Variants in ZNF665 observed in about 807,000 individuals in gnomAD.
ZNF665 encodes the protein zinc finger protein 665.
A neutral mutation model predicts 7.9 loss-of-function variants in ZNF665; 6 were observed. The ratio of observed to expected loss-of-function variants is 0.76; its 90% CI spans 0.42 to 1.50. ZNF665 has a LOEUF of 1.50. Among genes scored for constraint, ZNF665 ranks in the 40% most tolerant of loss-of-function variants. The pLI, the probability that ZNF665 is intolerant of heterozygous loss-of-function variation, is 0.01. For missense variants in ZNF665, 819 were observed against 806.7 expected (o/e 1.02, Z -0.18); for synonymous variants, 242 against 274.5 (o/e 0.88, Z 1.17).
chr19:53,189,152 C>A (rs1433982891), intron 1 of ZNF665, among the ~76,000 whole-genome samples: 2 of 151,422 alleles, frequency 1.3e-5, no homozygotes, highest in African/African-American at 4.9e-5. Flanking sequence ...AAAGTTGACA[C>A]AGTGGAGGAG....
At chr19:53,185,706 A>C (rs1390506239) in intron 1 of ZNF665, among the ~76,000 whole-genome samples, 1 of 152,010 alleles carries the variant, frequency 6.6e-6, no homozygotes, top group Non-Finnish European at 1.5e-5. Flanking sequence ...AAATCAAGAG[A>C]CACCAGAAGA....
At chr19:53,167,985 G>C (rs1362746240) in intron 3 of ZNF665, among the ~76,000 whole-genome samples, 3 of 144,146 alleles carry the variant, frequency 2.1e-5, no homozygotes, top group Non-Finnish European at 4.5e-5. Flanking sequence ...GAATCCAGGA[G>C]GTGGAGCTTG....
At chr19:53,168,866 T>G (rs1432696030) in intron 3 of ZNF665, among the ~76,000 whole-genome samples, 1 of 152,168 alleles carries the variant, frequency 6.6e-6, no homozygotes, top group African/African-American at 2.4e-5. Flanking sequence ...TTTTAAAAAA[T>G]GGTGCTGAAA....
intron 1 of ZNF665, chr19:53,190,447 G>C (rs2090808562): frequency 6.6e-6 from 1 of 152,248 alleles, no homozygotes; most frequent in African/African-American, 2.4e-5. Context: ...TGCACTCCCA[G>C]TGGTGGGTCC....
chr19:53,175,419 G>A, intron 3 of ZNF665, 26 bp downstream of exon 3: 3 of 1,600,728 alleles, frequency 1.9e-6, no homozygotes, highest in South Asian at 2.2e-5. Flanking sequence ...AACAGACCCT[G>A]ACTTCTAAAA....
At chr19:53,184,757 C>T (rs972696813) in intron 1 of ZNF665, among the ~76,000 whole-genome samples, 1 of 152,056 alleles carries the variant, frequency 6.6e-6, no homozygotes, top group Non-Finnish European at 1.5e-5. Context: ...ACCACCAAGA[C>T]GTGGAGACCG....
intron 2 of ZNF665, among the ~76,000 whole-genome samples, chr19:53,180,190 T>C (rs1226318823): frequency 2.6e-5 from 4 of 152,098 alleles, no homozygotes; most frequent in African/African-American, 9.7e-5. Context: ...CTCAGCACTT[T>C]GGGAGGCCGA....
Position 53,164,383 on chromosome 19 carries a change from C to G in ZNF665, c.*70G>C. On this transcript the variant is annotated 3_prime_UTR_variant, in exon 4 of 4. Transcript: ENST00000396424. Reference sequence around the variant, plus strand: ...GAACTCGAGACCTCAGGTGATCCCCCCGCCTCGGCCTCCCAAAGTGCTGGG... The same window carrying G: ...GAACTCGAGACCTCAGGTGATCCCCGCGCCTCGGCCTCCCAAAGTGCTGGG... The G allele has an allele frequency of 7.8e-7, 1 of 1,280,424 alleles. No homozygotes were observed. Among genetic ancestry groups the G allele is most frequent in the African/African-American group, 1.5e-5 (1 of 67,258 alleles). 79.3% of individuals were successfully genotyped at this position (1,280,424 alleles called of 1,614,324 possible).
chr19:53,189,950 T>C (rs539715391), intron 1 of ZNF665, among the ~76,000 whole-genome samples: 32 of 152,314 alleles, frequency 2.1e-4, no homozygotes, highest in African/African-American at 7.7e-4. Flanking sequence ...GCTCGCACTC[T>C]TGTCTTCTGG....
intron 3 of ZNF665, among the ~76,000 whole-genome samples, chr19:53,166,776 C>T (rs62115531): frequency 0.52 from 78,416 of 151,926 alleles, 22,916 homozygotes; most frequent in South Asian, 0.71. Flanking sequence ...ACTCTAATGG[C>T]AAATAACTCA....
At chr19:53,182,980 T>C (rs759448759) in intron 1 of ZNF665, 37 bp from the exon 2 acceptor site, 165 of 1,575,856 alleles carry the variant, frequency 1.0e-4, no homozygotes, top group Non-Finnish European at 1.4e-4. Flanking sequence ...AATTCAATCC[T>C]GAATGTCAAA....
rs189954491 is a variant in ZNF665 at position 53,171,736 on chromosome 19, G to A, written c.142+3709C>T. Among the ~76,000 whole-genome samples the A allele has an allele frequency of 2.3e-4, 35 of 151,210 alleles. 1 individual carries two copies. In the East Asian group the frequency reaches 5.1e-3, roughly 22 times the overall value. ...TCACATGCAGTAAGTGTGTGTATAA[G>A]TTTTAATTTTTTATGATAGATTTGT... On this transcript the variant is annotated intron_variant, in intron 3 of 3. Transcript: ENST00000396424.
chr19:53,186,893 A>C (rs1212826902), intron 1 of ZNF665, among the ~76,000 whole-genome samples: 2 of 1,504 alleles, frequency 1.3e-3, no homozygotes, highest in African/African-American at 6.1e-3. Flanking sequence ...GACCCCCCCC[A>C]CCTCCCTCCC....
At chr19:53,166,395 A>G (rs749992210) in intron 3 of ZNF665, 48 bp from the exon 4 acceptor site, 1 of 1,466,520 alleles carries the variant, frequency 6.8e-7, no homozygotes, top group South Asian at 1.5e-5. Context: ...ATAGTAGGTA[A>G]ATAACTATTT....
intron 1 of ZNF665, among the ~76,000 whole-genome samples, chr19:53,183,680 C>T (rs1335427988): frequency 2.6e-5 from 4 of 151,938 alleles, no homozygotes; most frequent in African/African-American, 4.8e-5. Flanking sequence ...GAGAGGGTCA[C>T]GGAAGTCCCC....
chr19:53,166,296 T>G lies in ZNF665; in HGVS notation c.194A>C (p.Asn65Thr). ...CACCGTGTAGAACGCTTCTCCCATA[T>G]TGTTCTTCCCCTTTGGTGGCAAATC... ...NTDLPPKGKN[N>T]MGEAFYTVKL... Residue 65 changes from asparagine to threonine, a missense_variant, in exon 4 of 4, where the codon AAT (asparagine) becomes ACT (threonine). Coordinates refer to ENST00000396424, the MANE Select transcript of ZNF665 (RefSeq NM_024733.5). 1 of 1,606,928 alleles carries G rather than the reference T, an allele frequency of 6.2e-7. No homozygotes were observed. The highest frequency in any genetic ancestry group is 8.5e-7 in the Non-Finnish European group (1 of 1,177,384).
intron 3 of ZNF665, among the ~76,000 whole-genome samples, chr19:53,169,019 T>C (rs1225080568): frequency 6.6e-6 from 1 of 152,032 alleles, no homozygotes; most frequent in Non-Finnish European, 1.5e-5. Flanking sequence ...GAAAAATCTG[T>C]GGAGCCCTCG....
intron 1 of ZNF665, among the ~76,000 whole-genome samples, chr19:53,188,983 C>T (rs1418839822): frequency 6.6e-6 from 1 of 151,756 alleles, no homozygotes; most frequent in East Asian, 1.9e-4. Flanking sequence ...CAGGCGTGAG[C>T]CACCATGCCC....
chr19:53,178,479 T>C (rs908290480), intron 2 of ZNF665, among the ~76,000 whole-genome samples: 9 of 152,122 alleles, frequency 5.9e-5, no homozygotes, highest in African/African-American at 2.2e-4. Flanking sequence ...GTCCCAGCAC[T>C]TTGGGAGGCC....
Sources: allele counts gnomAD v4.1 joint callset (sites outside exome capture counted in the v4.1 genomes callset), GRCh38; gene constraint gnomAD v4.1.1; transcripts MANE v1.5; gene names NCBI Gene and HGNC (gene_info 2026-07-23, HGNC 2026-07-21).